RYR3: variants seen among roughly 807,000 people sequenced by gnomAD.
The protein encoded by RYR3 is ryanodine receptor 3, also known as brain ryanodine receptor-calcium release channel.
Under a neutral mutation model 584.3 loss-of-function variants are expected in RYR3, and 207 were observed. That is an observed-to-expected ratio of 0.35 (90% CI 0.32 to 0.40). The LOEUF is 0.40. RYR3 is among the 10% of genes least tolerant of loss of function. RYR3 has a pLI of 1.00. For missense variants in RYR3, 5,616 were observed against 6,089.2 expected (o/e 0.92, Z 2.59); for synonymous variants, 2,416 against 2,248.5 (o/e 1.07, Z -2.11).
At chr15:33,620,052 C>T in intron 19 of RYR3, among the ~76,000 whole-genome samples, 1 of 152,164 alleles carries the variant, frequency 6.6e-6, no homozygotes, top group Non-Finnish European at 1.5e-5. Flanking sequence ...TCCCCCAGCC[C>T]CTGGGTTTCT....
chr15:33,704,281 CAAAA>C (rs5811787), intron 42 of RYR3, among the ~76,000 whole-genome samples: 5 of 113,832 alleles, frequency 4.4e-5, no homozygotes, highest in Non-Finnish European at 5.6e-5. Context: ...GACTCCGTCT[CAAAA>C]AAAAAAAAAA....
Position 33,537,734 on chromosome 15 carries a change from C to T in RYR3, c.434-1616C>T, listed in dbSNP as rs893445477. 2.0e-5 allele frequency among the ~76,000 whole-genome samples: 3 copies of T among 152,192 alleles called. No individual in the cohort carries two copies. In the South Asian group the frequency reaches 6.2e-4, roughly 31 times the overall value. ...GTGGCCTCTTTCTGTTCTGACATCT[C>T]ACTGGAATGCACCTTAGAGTGGGTT... On this transcript the variant is annotated intron_variant, in intron 5 of 103. Coordinates refer to ENST00000634891, the MANE Select transcript of RYR3 (RefSeq NM_001036.6).
intron 31 of RYR3, among the ~76,000 whole-genome samples, chr15:33,651,169 C>T (rs141387149): frequency 6.3e-4 from 96 of 152,342 alleles, no homozygotes; most frequent in African/African-American, 1.9e-3. Flanking sequence ...ATAATTCTTA[C>T]TTCTTTGTCC....
At chr15:33,605,172 C>T (rs2059847723) in intron 18 of RYR3, among the ~76,000 whole-genome samples, 1 of 152,186 alleles carries the variant, frequency 6.6e-6, no homozygotes, top group African/African-American at 2.4e-5. Flanking sequence ...CTTTACAGCA[C>T]TGCATGGGGC....
At chr15:33,455,723 A>G (rs930603945) in intron 1 of RYR3, among the ~76,000 whole-genome samples, 1 of 152,222 alleles carries the variant, frequency 6.6e-6, no homozygotes, top group Non-Finnish European at 1.5e-5. Context: ...ACAGAGGCCA[A>G]GAAACTTGGT....
At chr15:33,844,407 A>T (rs2078578146) in intron 92 of RYR3, among the ~76,000 whole-genome samples, 1 of 152,220 alleles carries the variant, frequency 6.6e-6, no homozygotes, top group Non-Finnish European at 1.5e-5. Flanking sequence ...CTGTATAAGA[A>T]TAGCGGCTGA....
intron 12 of RYR3, among the ~76,000 whole-genome samples, chr15:33,577,715 TATC>T (rs2058368912): frequency 6.6e-6 from 1 of 152,064 alleles, no homozygotes; most frequent in Admixed American, 6.6e-5. Flanking sequence ...TAAGCAAAGA[TATC>T]ATTATAAAAA....
chr15:33,675,064 C>T (rs544226456), intron 38 of RYR3, among the ~76,000 whole-genome samples: 18 of 152,298 alleles, frequency 1.2e-4, no homozygotes, highest in South Asian at 2.1e-4. Context: ...CACTGCAGTC[C>T]GGCCTGGGTG....
chr15:33,643,756 A>G (rs2061956054), intron 27 of RYR3, among the ~76,000 whole-genome samples: 1 of 152,150 alleles, frequency 6.6e-6, no homozygotes, highest in Admixed American at 6.5e-5. Flanking sequence ...AATAAATTTT[A>G]TTTTGTATAT....
intron 38 of RYR3, among the ~76,000 whole-genome samples, chr15:33,673,766 C>G (rs1487502566): frequency 6.6e-6 from 1 of 152,200 alleles, no homozygotes; most frequent in Non-Finnish European, 1.5e-5. Context: ...TGATCTCTGC[C>G]ATTTGTTGAA....
chr15:33,479,427 T>A (rs75999158), intron 2 of RYR3, among the ~76,000 whole-genome samples: 44 of 48,092 alleles, frequency 9.1e-4, no homozygotes, highest in South Asian at 3.6e-3. Flanking sequence ...TATAAAACTT[T>A]AAAAAAAAAA....
intron 67 of RYR3, among the ~76,000 whole-genome samples, chr15:33,792,918 A>G (rs1039316667): frequency 1.3e-5 from 2 of 152,172 alleles, no homozygotes; most frequent in Non-Finnish European, 2.9e-5. Context: ...GACAGTAACT[A>G]CGCAGAGTTA....
chr15:33,829,544 C>T (rs1023479049), intron 85 of RYR3, among the ~76,000 whole-genome samples: 2 of 151,756 alleles, frequency 1.3e-5, no homozygotes, highest in African/African-American at 2.4e-5. Context: ...GTCAGGAGAT[C>T]GAGACCATCC....
intron 67 of RYR3, among the ~76,000 whole-genome samples, chr15:33,798,156 G>A (rs112724753): frequency 0.18 from 27,555 of 151,884 alleles, 3,214 homozygotes; most frequent in South Asian, 0.29. Context: ...GCACAATCTC[G>A]GTGCTCACTG....
At chr15:33,598,246 C>CAAAAAAAAAAAAAAA (rs35785154) in intron 16 of RYR3, among the ~76,000 whole-genome samples, 5 of 74,310 alleles carry the variant, frequency 6.7e-5, no homozygotes, top group African/African-American at 2.7e-4. Context: ...AAAAATTGCT[C>CAAAAAAAAAAAAAAA]AAAAAAAAAA....
intron 2 of RYR3, among the ~76,000 whole-genome samples, chr15:33,487,129 C>T (rs2050499269): frequency 6.6e-6 from 1 of 151,100 alleles, no homozygotes; most frequent in Admixed American, 6.6e-5. Context: ...ACCCAGGAGG[C>T]GGAGGTTGCA....
rs986584025 is a variant in RYR3 at position 33,601,412 on chromosome 15, G to A, written c.1789-7G>A. 5 of 1,611,458 alleles carry A rather than the reference G, an allele frequency of 3.1e-6. No individual in the cohort carries two copies. In the African/African-American group the frequency reaches 4.0e-5, roughly 13 times the overall value. On this transcript the variant is annotated splice_region_variant and splice_polypyrimidine_tract_variant and intron_variant, in intron 16 of 103. Coordinates refer to ENST00000634891, the MANE Select transcript of RYR3 (RefSeq NM_001036.6). ...TCCTAAGGTTTGGTGGGTGTGTCCTGCTGCAGGTTCTGGATATCCTGTGCT... is the reference window on the plus strand; with the variant it reads ...TCCTAAGGTTTGGTGGGTGTGTCCTACTGCAGGTTCTGGATATCCTGTGCT...
Position 33,485,912 on chromosome 15 carries a change from TAGG to T in RYR3, c.171+12377_171+12379del, listed in dbSNP as rs577892416. 7.2e-4 allele frequency among the ~76,000 whole-genome samples: 109 copies of T among 152,226 alleles called. 3 individuals carry two copies. The South Asian group carries it at 0.022, about 31-fold the overall frequency. Reference sequence around the variant, plus strand: ...AGTTGAATGAGGAAAGAACAAAAGATAGGAGTGAAAATGTATAAAGGATATAAA... The same window carrying T: ...AGTTGAATGAGGAAAGAACAAAAGATAGTGAAAATGTATAAAGGATATAAA... On this transcript the variant is annotated intron_variant, in intron 2 of 103. Coordinates refer to ENST00000634891, the MANE Select transcript of RYR3 (RefSeq NM_001036.6).
intron 2 of RYR3, among the ~76,000 whole-genome samples, chr15:33,475,445 C>G (rs746664116): frequency 6.6e-6 from 1 of 152,138 alleles, no homozygotes; most frequent in Non-Finnish European, 1.5e-5. Flanking sequence ...TCATAAGGAG[C>G]GTGCAACCTA....
Sources: gnomAD v4.1 joint callset for allele counts (sites outside exome capture counted in the v4.1 genomes callset) on GRCh38, gnomAD v4.1.1 for gene constraint, MANE v1.5 for transcripts, NCBI Gene and HGNC (gene_info 2026-07-23, HGNC 2026-07-21) for gene names.